ATRNL1: variants seen among roughly 807,000 people sequenced by gnomAD.
The protein encoded by ATRNL1 is attractin like 1, also known as attractin-like protein 1.
Under a neutral mutation model 182.7 loss-of-function variants are expected in ATRNL1, and 95 were observed. That is an observed-to-expected ratio of 0.52 (90% confidence interval 0.44 to 0.62). ATRNL1 has a LOEUF of 0.62. Among genes scored for constraint, ATRNL1 ranks in the 20% least tolerant of loss-of-function variants. The pLI is 0.00. For missense variants in ATRNL1, 1,471 were observed against 1,679.5 expected (o/e 0.88, Z 2.17); for synonymous variants, 576 against 568.3 (o/e 1.01, Z -0.19).
At chr10:115,124,250 T>C (rs1278331561) in intron 3 of ATRNL1, among the ~76,000 whole-genome samples, 5 of 152,044 alleles carry the variant, frequency 3.3e-5, no homozygotes, top group Non-Finnish European at 7.4e-5. Flanking sequence ...TGGCTACATA[T>C]TTAGGGGTTC....
At chr10:115,616,451 G>A (rs921467001) in intron 26 of ATRNL1, among the ~76,000 whole-genome samples, 4 of 152,116 alleles carry the variant, frequency 2.6e-5, no homozygotes, top group African/African-American at 7.2e-5. Flanking sequence ...GCAGGTAGGG[G>A]GATTCAAGTG....
rs67222513 is a variant in ATRNL1, at chr10:115,802,050, C to CA, written c.3904-45818dup. ...CACACACACACACACACACACAAAA[C>CA]AAAAAAAAACAGAATTTCTACCTTC... On this transcript the variant is annotated intron_variant, in intron 27 of 28. Transcript: ENST00000355044. Among the ~76,000 whole-genome samples, 712 of 143,052 alleles carry CA rather than the reference C, an allele frequency of 5.0e-3. 11 individuals are homozygous for CA. The highest frequency in any genetic ancestry group is 0.018 in the African/African-American group (673 of 38,336). 93.8% of individuals were successfully genotyped at this position (143,052 alleles called of 152,430 possible).
chr10:115,521,234 A>C (rs1850917687), intron 25 of ATRNL1, among the ~76,000 whole-genome samples: 1 of 151,758 alleles, frequency 6.6e-6, no homozygotes, highest in Non-Finnish European at 1.5e-5. Flanking sequence ...GCTCACTGCA[A>C]CCTTCACCTC....
At chr10:115,484,836 T>C (rs1328781377) in intron 24 of ATRNL1, among the ~76,000 whole-genome samples, 2 of 151,938 alleles carry the variant, frequency 1.3e-5, no homozygotes, top group Non-Finnish European at 2.9e-5. Context: ...GCTCTATCTA[T>C]GCTAATTATG....
intron 10 of ATRNL1, among the ~76,000 whole-genome samples, chr10:115,255,445 T>A (rs1554906507): frequency 2.0e-5 from 3 of 152,178 alleles, no homozygotes; most frequent in African/African-American, 7.2e-5. Context: ...GTTTGTCTGT[T>A]AATGGTGTAT....
chr10:115,620,622 A>G (rs1197054467), intron 26 of ATRNL1, among the ~76,000 whole-genome samples: 1 of 152,246 alleles, frequency 6.6e-6, no homozygotes, highest in African/African-American at 2.4e-5. Flanking sequence ...TACTCAAAGC[A>G]TGTGAACTAA....
intron 10 of ATRNL1, among the ~76,000 whole-genome samples, chr10:115,258,251 A>C (rs1044389661): frequency 6.6e-6 from 1 of 151,746 alleles, no homozygotes; most frequent in Non-Finnish European, 1.5e-5. Context: ...ACACCAATCA[A>C]TCAAATGTAG....
At chr10:115,847,485 A>T (rs191297604) in intron 27 of ATRNL1, among the ~76,000 whole-genome samples, 334 of 152,276 alleles carry the variant, frequency 2.2e-3, no homozygotes, top group African/African-American at 7.7e-3. Flanking sequence ...GTATATGTAT[A>T]TCAAAACATC....
At chr10:115,302,553 A>G (rs1853526295) in intron 17 of ATRNL1, among the ~76,000 whole-genome samples, 1 of 152,228 alleles carries the variant, frequency 6.6e-6, no homozygotes, top group East Asian at 1.9e-4. Flanking sequence ...TATATCTGCT[A>G]CAAGTATAGA....
At chr10:115,685,117 A>G (rs1029187012) in intron 26 of ATRNL1, among the ~76,000 whole-genome samples, 1 of 151,796 alleles carries the variant, frequency 6.6e-6, no homozygotes, top group Non-Finnish European at 1.5e-5. Context: ...AATAAAATTT[A>G]TTAAGCTAAG....
intron 5 of ATRNL1, among the ~76,000 whole-genome samples, chr10:115,149,862 A>AT (rs1554880165): frequency 2.8e-5 from 4 of 144,906 alleles, no homozygotes; most frequent in African/African-American, 1.0e-4. Context: ...ATTAGGGACA[A>AT]TTGTCTCCTT....
intron 28 of ATRNL1, among the ~76,000 whole-genome samples, chr10:115,931,207 C>T (rs1555121542): frequency 6.6e-6 from 1 of 152,002 alleles, no homozygotes; most frequent in Admixed American, 6.6e-5. Context: ...ATCTGTATTT[C>T]TCCAATTTTA....
intron 27 of ATRNL1, among the ~76,000 whole-genome samples, chr10:115,732,843 A>G (rs1555063592): frequency 6.6e-6 from 1 of 152,196 alleles, no homozygotes; most frequent in African/African-American, 2.4e-5. Flanking sequence ...AAGTTCATGT[A>G]GTATACTTTG....
chr10:115,481,145 AT>A (rs1399697402), intron 24 of ATRNL1, among the ~76,000 whole-genome samples: 1 of 150,558 alleles, frequency 6.6e-6, no homozygotes, highest in Non-Finnish European at 1.5e-5. Flanking sequence ...GTAATATAGT[AT>A]TCTTTTATAA....
intron 27 of ATRNL1, among the ~76,000 whole-genome samples, chr10:115,792,491 G>A (rs977307440): frequency 2.0e-5 from 3 of 152,008 alleles, no homozygotes; most frequent in South Asian, 4.2e-4. Flanking sequence ...GAATATTGCC[G>A]TTTTACTTAT....
intron 28 of ATRNL1, among the ~76,000 whole-genome samples, chr10:115,917,133 T>C (rs1333457561): frequency 6.6e-6 from 1 of 152,190 alleles, no homozygotes; most frequent in East Asian, 1.9e-4. Flanking sequence ...CTTTAGTGGC[T>C]GTGCTACCTT....
chr10:115,288,768 C>T (rs540538960), intron 15 of ATRNL1, among the ~76,000 whole-genome samples: 1 of 152,210 alleles, frequency 6.6e-6, no homozygotes, highest in East Asian at 1.9e-4. Context: ...GTAATCCGCC[C>T]ACCATGGCCT....
At chr10:115,850,024 G>A (rs1287861346) in intron 28 of ATRNL1, among the ~76,000 whole-genome samples, 1 of 152,178 alleles carries the variant, frequency 6.6e-6, no homozygotes, top group African/African-American at 2.4e-5. Context: ...AATTCAGAAT[G>A]AGCTTGTTCT....
chr10:115,790,184 G>A (rs1464359403), intron 27 of ATRNL1, among the ~76,000 whole-genome samples: 1 of 151,460 alleles, frequency 6.6e-6, no homozygotes, highest in East Asian at 1.9e-4. Flanking sequence ...CTCCAGAGCA[G>A]GACAATCTGA....
Sources: gnomAD v4.1 joint callset for allele counts (sites outside exome capture counted in the v4.1 genomes callset) on GRCh38, gnomAD v4.1.1 for gene constraint, MANE v1.5 for transcripts, NCBI Gene and HGNC (gene_info 2026-07-23, HGNC 2026-07-21) for gene names.